The following DCN variants were observed in gnomAD, a reference collection of about 807,000 sequenced individuals.
The protein encoded by DCN is bone proteoglycan II.
DCN carries 17 observed loss-of-function variants against 36.5 expected under a neutral mutation model. That is an observed-to-expected ratio of 0.47 (90% CI 0.32 to 0.70). The LOEUF is 0.70. Among genes scored for constraint, DCN ranks in the 30% least tolerant of loss-of-function variants. DCN has a pLI of 0.04. For missense variants in DCN, 389 were observed against 430.1 expected (o/e 0.90, Z 0.84); for synonymous variants, 163 against 161.4 (o/e 1.01, Z -0.07).
chr12:91,162,652 C>T (rs2121233604), intron 3 of DCN, among the ~76,000 whole-genome samples: 1 of 152,240 alleles, frequency 6.6e-6, no homozygotes, highest in East Asian at 1.9e-4. Flanking sequence ...TTATACGAAG[C>T]TGTGAACTCT....
intron 1 of DCN, chr12:91,179,783 G>A (rs973531132): frequency 4.6e-5 from 7 of 151,896 alleles, no homozygotes; most frequent in African/African-American, 1.7e-4. Flanking sequence ...AAGCAAGATC[G>A]GCTTTAAAAA....
rs777094376 is a variant in DCN at position 91,144,576 on chromosome 12, C to T, written c.*1482G>A. 1.3e-5 allele frequency: 2 copies of T among 152,114 alleles called. No individual in the cohort carries two copies. Among genetic ancestry groups the T allele is most frequent in the Non-Finnish European group, 2.9e-5 (2 of 68,012 alleles). The allele number at this position is 152,114 out of a possible 1,614,324, so 9.4% of individuals were successfully genotyped here. ...ACTTTCCCTAATGTTAATATTACCT[C>T]GGGATATGTCAAATGTAAATGAAAA... On this transcript the variant is annotated 3_prime_UTR_variant, in exon 8 of 8. Coordinates refer to ENST00000052754, the MANE Select transcript of DCN (RefSeq NM_001920.5).
Position 91,146,001 on chromosome 12 carries a change from T to G in DCN, c.*57A>C. 1 of 1,376,606 alleles carries G rather than the reference T, an allele frequency of 7.3e-7. No homozygotes were observed. The highest frequency in any genetic ancestry group is 1.2e-5 in the South Asian group (1 of 86,068). The allele number at this position is 1,376,606 out of a possible 1,614,324, so 85.3% of individuals were successfully genotyped here. On this transcript the variant is annotated 3_prime_UTR_variant, in exon 8 of 8. Transcript: ENST00000052754. ...CAGTATCTAGCTTTTATTTATTTTT[T>G]AGCAATGACATTAACAAGATTTTGC...
intron 7 of DCN, among the ~76,000 whole-genome samples, chr12:91,147,555 T>C (rs1881108297): frequency 6.6e-6 from 1 of 152,110 alleles, no homozygotes; most frequent in Non-Finnish European, 1.5e-5. Flanking sequence ...AAATATGTGT[T>C]GAATGAATAA....
At chr12:91,165,614 TTTC>T (rs1375410440) in intron 2 of DCN, among the ~76,000 whole-genome samples, 2 of 152,126 alleles carry the variant, frequency 1.3e-5, no homozygotes, top group Non-Finnish European at 2.9e-5. Context: ...GCCTTTTGCC[TTTC>T]TTTTTTTCAT....
intron 5 of DCN, 55 bp from the exon 6 acceptor site, chr12:91,153,244 A>G: frequency 1.0e-6 from 1 of 986,864 alleles, no homozygotes; most frequent in South Asian, 1.3e-5. Flanking sequence ...TAAGTACAGA[A>G]TGTGGACAAA....
intron 2 of DCN, among the ~76,000 whole-genome samples, chr12:91,173,400 A>G (rs1003257153): frequency 6.6e-6 from 1 of 152,096 alleles, no homozygotes; most frequent in Non-Finnish European, 1.5e-5. Flanking sequence ...GGTCAGGGAG[A>G]CAGACGCTCC....
intron 7 of DCN, among the ~76,000 whole-genome samples, chr12:91,147,993 A>G (rs978081618): frequency 6.6e-6 from 1 of 152,134 alleles, no homozygotes; most frequent in Non-Finnish European, 1.5e-5. Context: ...CACTTTGAGG[A>G]TATGAGTTCT....
chr12:91,146,276 TA>T, intron 7 of DCN, 24 bp from the exon 8 acceptor site: 1 of 1,434,766 alleles, frequency 7.0e-7, no homozygotes, highest in Non-Finnish European at 9.8e-7. Flanking sequence ...CGATAGAAAA[TA>T]ATTATTATTC....
chr12:91,167,673 G>A (rs1288844694), intron 2 of DCN, among the ~76,000 whole-genome samples: 1 of 152,066 alleles, frequency 6.6e-6, no homozygotes, highest in African/African-American at 2.4e-5. Flanking sequence ...ACTTATCCCA[G>A]AAATCAGAGA....
chr12:91,172,925 A>C (rs903217619), intron 2 of DCN: 1 of 557,130 alleles, frequency 1.8e-6, no homozygotes, highest in African/African-American at 1.9e-5. Context: ...GTATAATCAC[A>C]GATATGTATA....
At chr12:91,177,770 A>G (rs781524474) in intron 2 of DCN, 45 of 688,832 alleles carry the variant, frequency 6.5e-5, no homozygotes, top group Non-Finnish European at 8.2e-5. Context: ...GGATTACAAA[A>G]TGTCAAAAGT....
chr12:91,149,424 A>G (rs910970549), intron 7 of DCN, among the ~76,000 whole-genome samples: 1 of 152,200 alleles, frequency 6.6e-6, no homozygotes, highest in African/African-American at 2.4e-5. Context: ...TTTTCAGTAA[A>G]TCAGAAATAG....
At position 91,153,096 on chromosome 12, in the gene DCN, T is replaced by C; in HGVS notation, c.746A>G (p.Lys249Arg). The part of the protein sequence containing the change: ...ASLKGLNNLA[K>R]LGLSFNSISA... ...GAATGTCATGAAAGAATATTATTAC[T>C]TAGCCAAATTATTCAGTCCTTTCAG... The change falls in exon 6 of 8, where the codon AAG becomes AGG. Residue 249 changes from lysine to arginine, a missense_variant and splice_region_variant. Lys to Arg is a conservative substitution (Grantham distance 26, BLOSUM62 2). Coordinates refer to ENST00000052754, the MANE Select transcript of DCN (RefSeq NM_001920.5). 1 of 1,551,476 alleles carries C rather than the reference T, an allele frequency of 6.4e-7. No individual in the cohort carries two copies. Among genetic ancestry groups the C allele is most frequent in the Non-Finnish European group, 8.9e-7 (1 of 1,123,082 alleles).
rs914638214 is a variant in DCN at position 91,144,866 on chromosome 12, A to G, written c.*1192T>C. 1 of 152,226 alleles carries G rather than the reference A, an allele frequency of 6.6e-6. No individual in the cohort carries two copies. The highest frequency in any genetic ancestry group is 6.5e-5 in the Admixed American group (1 of 15,280). 9.4% of individuals were successfully genotyped at this position (152,226 alleles called of 1,614,324 possible). ...ATTACCTCTCATGTGAGCCACTACT[A>G]TAACTTGCACATATTTCTATGACAA... is the stretch of plus-strand genomic sequence containing the variant. On this transcript the variant is annotated 3_prime_UTR_variant, in exon 8 of 8. Transcript: ENST00000052754.
intron 5 of DCN, among the ~76,000 whole-genome samples, chr12:91,154,125 G>A (rs968732124): frequency 6.6e-6 from 1 of 151,944 alleles, no homozygotes; most frequent in African/African-American, 2.4e-5. Flanking sequence ...AAAACCACAG[G>A]TTTCATTTTG....
chr12:91,177,621 T>G, intron 2 of DCN: 1 of 702,354 alleles, frequency 1.4e-6, no homozygotes, highest in South Asian at 1.5e-5. Context: ...CCAGACCAAA[T>G]TTTTCTGAAA....
chr12:91,180,928 G>C (rs1330332183), intron 1 of DCN: 1 of 152,114 alleles, frequency 6.6e-6, no homozygotes, highest in Non-Finnish European at 1.5e-5. Context: ...TTTCTCCAGA[G>C]CAGAACATGC....
At chr12:91,158,745 T>C (rs1008579093) in intron 3 of DCN, among the ~76,000 whole-genome samples, 2 of 152,170 alleles carry the variant, frequency 1.3e-5, no homozygotes, top group South Asian at 4.1e-4. Context: ...GAGGATCACT[T>C]GAGGCCAGGA....
Sources: gnomAD v4.1 joint callset for allele counts (sites outside exome capture counted in the v4.1 genomes callset) on GRCh38, gnomAD v4.1.1 for gene constraint, MANE v1.5 for transcripts, NCBI Gene and HGNC (gene_info 2026-07-23, HGNC 2026-07-21) for gene names.